The following TAFA4 variants were observed in gnomAD, a reference collection of about 807,000 sequenced individuals.
TAFA4 encodes chemokine-like protein TAFA-4.
A neutral mutation model predicts 21.1 loss-of-function variants in TAFA4; 20 were observed. That is an observed-to-expected ratio of 0.95 (90% CI 0.67 to 1.38). The LOEUF (loss-of-function observed/expected upper bound fraction) is 1.38, where lower values mean the gene tolerates loss of function less well. Among genes scored for constraint, TAFA4 ranks in the 40% most tolerant of loss-of-function variants. TAFA4 has a pLI of 0.00. For synonymous variants in TAFA4, 71 were observed against 67.4 expected, an observed-to-expected ratio of 1.05 and a Z score of -0.26; for missense variants, 211 against 180.9, an observed-to-expected ratio of 1.17 and a Z score of -0.95.
intron 3 of TAFA4, among the ~76,000 whole-genome samples, chr3:68,868,652 T>A (rs2089446882): frequency 6.6e-6 from 1 of 151,792 alleles, no homozygotes; most frequent in African/African-American, 2.4e-5. Context: ...AAATGATCAA[T>A]GGGAAAATGA....
intron 3 of TAFA4, among the ~76,000 whole-genome samples, chr3:68,847,552 G>T (rs182453393): frequency 2.0e-5 from 3 of 152,130 alleles, no homozygotes; most frequent in African/African-American, 4.8e-5. Flanking sequence ...ACTGGAGTAT[G>T]GAAAAAACCT....
chr3:68,886,572 C>T (rs1294915498), intron 1 of TAFA4, among the ~76,000 whole-genome samples: 2 of 152,100 alleles, frequency 1.3e-5, no homozygotes, highest in Non-Finnish European at 2.9e-5. Flanking sequence ...ATTTTCTTCA[C>T]ACAAAAGGAA....
At chr3:68,765,143 T>G (rs919532225) in intron 3 of TAFA4, among the ~76,000 whole-genome samples, 5 of 152,180 alleles carry the variant, frequency 3.3e-5, no homozygotes, top group African/African-American at 4.8e-5. Context: ...GTTTTAGTCC[T>G]TATAAGTCCT....
chr3:68,807,044 A>G lies in TAFA4; in HGVS notation c.131-54026T>C, dbSNP rs1033955998. On this transcript the variant is annotated intron_variant, in intron 3 of 5. Coordinates refer to ENST00000295569, the MANE Select transcript of TAFA4 (RefSeq NM_182522.5). The stretch of plus-strand genomic sequence containing the variant: ...ACTTCTACTTTGCTGATGAACATGA[A>G]TAACTAAGCATATCAGACATGTCCA... 2.6e-5 allele frequency among the ~76,000 whole-genome samples: 4 copies of G among 152,186 alleles called. No homozygotes were observed. In the South Asian group the frequency reaches 6.2e-4, roughly 24 times the overall value.
chr3:68,930,179 T>C (rs143855728), intron 1 of TAFA4, among the ~76,000 whole-genome samples: 2 of 152,246 alleles, frequency 1.3e-5, no homozygotes, highest in African/African-American at 2.4e-5. Flanking sequence ...CATCAAACAA[T>C]ACACATGTCT....
intron 4 of TAFA4, among the ~76,000 whole-genome samples, chr3:68,743,081 A>G (rs928119073): frequency 6.6e-6 from 1 of 152,210 alleles, no homozygotes; most frequent in Non-Finnish European, 1.5e-5. Context: ...TTCTGGCCGA[A>G]TATACTGAGC....
chr3:68,851,297 C>T (rs1704942721), intron 3 of TAFA4, among the ~76,000 whole-genome samples: 1 of 152,098 alleles, frequency 6.6e-6, no homozygotes, highest in Non-Finnish European at 1.5e-5. Flanking sequence ...AATGAAATTA[C>T]ATGGACATAG....
chr3:68,902,250 T>C (rs1216539705), intron 1 of TAFA4, among the ~76,000 whole-genome samples: 2 of 151,976 alleles, frequency 1.3e-5, no homozygotes, highest in African/African-American at 2.4e-5. Context: ...GTCTGCCCTC[T>C]TAACCATCGG....
In TAFA4 at chr3:68,733,110, C is replaced by T. The variant is rs372152260; in HGVS notation, c.*32G>A. The T allele has an allele frequency of 6.2e-7, 1 of 1,612,284 alleles. No homozygotes were observed. ...GCAAAAGAGCTCCGCCTCCTGCTGC[C>T]CCTCCAGGATTGAAGCACACCTCTC... is the stretch of plus-strand genomic sequence containing the variant. On this transcript the variant is annotated 3_prime_UTR_variant, in exon 6 of 6. Coordinates refer to ENST00000295569, the MANE Select transcript of TAFA4 (RefSeq NM_182522.5).
chr3:68,779,166 G>A (rs1703104428), intron 3 of TAFA4, among the ~76,000 whole-genome samples: 1 of 152,186 alleles, frequency 6.6e-6, no homozygotes, highest in Admixed American at 6.5e-5. Flanking sequence ...TGAGAGAGAT[G>A]ATTTAGTGTA....
At chr3:68,903,704 G>A (rs2089867288) in intron 1 of TAFA4, among the ~76,000 whole-genome samples, 1 of 152,120 alleles carries the variant, frequency 6.6e-6, no homozygotes, top group South Asian at 2.1e-4. Context: ...TTATATAAGT[G>A]GATTGTGTGT....
chr3:68,875,372 C>T (rs1363364884), intron 3 of TAFA4, among the ~76,000 whole-genome samples: 1 of 152,084 alleles, frequency 6.6e-6, no homozygotes, highest in African/African-American at 2.4e-5. Context: ...AGTGGGCCCT[C>T]TGTGTTTTTC....
At chr3:68,918,528 T>A (rs1014496807) in intron 1 of TAFA4, among the ~76,000 whole-genome samples, 5 of 152,182 alleles carry the variant, frequency 3.3e-5, no homozygotes, top group Non-Finnish European at 7.3e-5. Flanking sequence ...TCCTAAATTA[T>A]AAAACTTCAT....
At chr3:68,788,362 C>G (rs1428252561) in intron 3 of TAFA4, among the ~76,000 whole-genome samples, 1 of 152,216 alleles carries the variant, frequency 6.6e-6, no homozygotes, top group Non-Finnish European at 1.5e-5. Context: ...CGGGCTGGCT[C>G]CTTCATCTTC....
At chr3:68,926,266 A>C (rs1366299855) in intron 1 of TAFA4, among the ~76,000 whole-genome samples, 1 of 152,124 alleles carries the variant, frequency 6.6e-6, no homozygotes, top group Non-Finnish European at 1.5e-5. Context: ...ATGTGAATAA[A>C]AGCAGCAGGA....
intron 3 of TAFA4, among the ~76,000 whole-genome samples, chr3:68,810,821 G>C (rs1411312978): frequency 6.6e-6 from 1 of 152,194 alleles, no homozygotes; most frequent in Admixed American, 6.5e-5. Context: ...TTTGAAGAGA[G>C]TAGTGGTTCT....
chr3:68,811,062 G>C (rs888561635), intron 3 of TAFA4, among the ~76,000 whole-genome samples: 11 of 152,104 alleles, frequency 7.2e-5, no homozygotes, highest in African/African-American at 2.4e-4. Flanking sequence ...AGGCAAACAG[G>C]GTCTGGAGTG....
chr3:68,776,458 C>T (rs964596015), intron 3 of TAFA4, among the ~76,000 whole-genome samples: 1 of 152,060 alleles, frequency 6.6e-6, no homozygotes, highest in Admixed American at 6.6e-5. Flanking sequence ...GTCAGTTTAA[C>T]AGAAAGATAT....
chr3:68,890,173 AAG>A (rs1473700814), intron 1 of TAFA4, among the ~76,000 whole-genome samples: 4 of 152,220 alleles, frequency 2.6e-5, no homozygotes, highest in African/African-American at 4.8e-5. Context: ...GTCAAGAAGA[AAG>A]AGAGACAGAA....
Sources: gnomAD v4.1 joint callset for allele counts (sites outside exome capture counted in the v4.1 genomes callset) on GRCh38, gnomAD v4.1.1 for gene constraint, MANE v1.5 for transcripts, NCBI Gene and HGNC (gene_info 2026-07-23, HGNC 2026-07-21) for gene names.